Variants in CSMD1 observed in about 807,000 individuals in gnomAD.
CSMD1 encodes CUB and Sushi multiple domains 1, also known as CUB and sushi domain-containing protein 1.
In CSMD1, 213 loss-of-function variants were observed where a neutral mutation model predicts 417.5. That is an observed-to-expected ratio of 0.51 (90% CI 0.46 to 0.57). The LOEUF is 0.57. CSMD1 is among the 20% of genes least tolerant of loss of function. CSMD1 has a pLI of 0.00. For synonymous variants in CSMD1, 2,862 were observed against 1,736.8 expected (o/e 1.65, Z -16.11); for missense variants, 6,923 against 4,529.7 (o/e 1.53, Z -15.17).
intron 3 of CSMD1, among the ~76,000 whole-genome samples, chr8:4,252,622 T>C (rs1175428300): frequency 6.6e-6 from 1 of 152,192 alleles, no homozygotes; most frequent in Non-Finnish European, 1.5e-5. Flanking sequence ...AGAACCCAAA[T>C]ATAGTCTCCA....
intron 12 of CSMD1, among the ~76,000 whole-genome samples, chr8:3,460,902 T>A (rs117478722): frequency 1.3e-5 from 2 of 152,150 alleles, no homozygotes; most frequent in South Asian, 4.1e-4. Context: ...AAGGCAGACA[T>A]GACCACTTGT....
Position 4,446,292 on chromosome 8 carries a change from A to C in CSMD1, c.303-26227T>G, listed in dbSNP as rs186196056. Among the ~76,000 whole-genome samples, 21 of 152,324 alleles carry C rather than the reference A, an allele frequency of 1.4e-4. No individual in the cohort carries two copies. In the East Asian group the frequency reaches 2.9e-3, roughly 21 times the overall value. On this transcript the variant is annotated intron_variant, in intron 2 of 69. Coordinates refer to ENST00000635120, the MANE Select transcript of CSMD1 (RefSeq NM_033225.6). ...GCTGGGAGTGGTGGCTCATGCCCGT[A>C]ATCCTGCTTCTTTGGGAGCCCAGCA...
intron 5 of CSMD1, among the ~76,000 whole-genome samples, chr8:3,818,194 G>A (rs925627528): frequency 1.3e-5 from 2 of 152,018 alleles, no homozygotes; most frequent in Non-Finnish European, 2.9e-5. Context: ...ACTCCCCACA[G>A]CTGCTCCTCC....
intron 7 of CSMD1, among the ~76,000 whole-genome samples, chr8:3,638,083 G>A (rs1244767975): frequency 6.6e-6 from 1 of 152,054 alleles, no homozygotes. Flanking sequence ...ACCACACACA[G>A]CTATCAAATC....
At chr8:3,961,281 T>G (rs912327819) in intron 5 of CSMD1, among the ~76,000 whole-genome samples, 1 of 152,204 alleles carries the variant, frequency 6.6e-6, no homozygotes, top group African/African-American at 2.4e-5. Flanking sequence ...AAAAGTTATA[T>G]AAGCATAAAA....
intron 5 of CSMD1, among the ~76,000 whole-genome samples, chr8:3,900,994 G>T (rs777162852): frequency 4.9e-4 from 75 of 152,144 alleles, no homozygotes; most frequent in Middle Eastern, 3.2e-3. Context: ...TTTCATTATT[G>T]CTAGCTGTCA....
At chr8:4,293,671 A>G (rs1797503602) in intron 3 of CSMD1, among the ~76,000 whole-genome samples, 2 of 152,202 alleles carry the variant, frequency 1.3e-5, no homozygotes, top group South Asian at 2.1e-4. Flanking sequence ...CCAATAAATA[A>G]TAACAATCAT....
chr8:4,227,431 G>A (rs548366181), intron 3 of CSMD1, among the ~76,000 whole-genome samples: 1 of 152,060 alleles, frequency 6.6e-6, no homozygotes, highest in Non-Finnish European at 1.5e-5. Context: ...GAACCCTATG[G>A]TCAAAGCCTA....
intron 3 of CSMD1, among the ~76,000 whole-genome samples, chr8:4,058,261 G>A (rs1244681575): frequency 1.3e-5 from 2 of 152,042 alleles, no homozygotes; most frequent in East Asian, 3.9e-4. Context: ...TCCCTTGTAA[G>A]TTGGATTCCT....
At chr8:3,159,816 C>A (rs1344993162) in intron 38 of CSMD1, among the ~76,000 whole-genome samples, 1 of 152,150 alleles carries the variant, frequency 6.6e-6, no homozygotes, top group Non-Finnish European at 1.5e-5. Context: ...TTCAATAATC[C>A]ATTATAAGAA....
At chr8:3,355,622 T>C (rs567468999) in intron 21 of CSMD1, among the ~76,000 whole-genome samples, 1 of 152,132 alleles carries the variant, frequency 6.6e-6, no homozygotes, top group South Asian at 2.1e-4. Flanking sequence ...TACAGCACTG[T>C]ATGTGATGAT....
chr8:3,038,190 G>A (rs1373426640), intron 50 of CSMD1, among the ~76,000 whole-genome samples: 18 of 152,174 alleles, frequency 1.2e-4, no homozygotes, highest in Admixed American at 1.0e-3. Flanking sequence ...TGATCTCAGC[G>A]AGACAAGACC....
chr8:3,789,020 A>T (rs944250906), intron 5 of CSMD1, among the ~76,000 whole-genome samples: 1 of 152,222 alleles, frequency 6.6e-6, no homozygotes, highest in African/African-American at 2.4e-5. Context: ...TTCCCAAATT[A>T]GGAGGATGCT....
intron 5 of CSMD1, among the ~76,000 whole-genome samples, chr8:3,769,950 G>A (rs1039002295): frequency 4.6e-5 from 7 of 152,184 alleles, no homozygotes; most frequent in South Asian, 2.1e-4. Flanking sequence ...TAGGCTTTGG[G>A]AAGAAGCCTT....
intron 1 of CSMD1, among the ~76,000 whole-genome samples, chr8:4,640,401 A>T (rs1803118288): frequency 6.6e-6 from 1 of 152,214 alleles, no homozygotes; most frequent in African/African-American, 2.4e-5. Context: ...ACCGTGATTA[A>T]AGCAGTGTTT....
intron 1 of CSMD1, among the ~76,000 whole-genome samples, chr8:4,762,747 G>T (rs1248274035): frequency 6.6e-6 from 1 of 152,058 alleles, no homozygotes; most frequent in Non-Finnish European, 1.5e-5. Flanking sequence ...TCAATTCAGT[G>T]CTCCTGCAGC....
chr8:2,985,464 C>CTG lies in CSMD1; in HGVS notation c.8378-6666_8378-6665dup, dbSNP rs765225082. Among the ~76,000 whole-genome samples, 929 of 150,302 alleles carry CTG rather than the reference C, an allele frequency of 6.2e-3. 14 individuals are homozygous for CTG. Among genetic ancestry groups the CTG allele is most frequent in the Non-Finnish European group, 0.011 (714 of 67,014 alleles). ...CTGTTTCACCACGTGAGGGAGGAGACTGGTGTGATACTGCTACACTGTTTC... is the reference window on the plus strand; with the variant it reads ...CTGTTTCACCACGTGAGGGAGGAGACTGTGGTGTGATACTGCTACACTGTTTC... On this transcript the variant is annotated intron_variant, in intron 54 of 69. Transcript: ENST00000635120.
chr8:3,526,789 G>A (rs1422572637), intron 10 of CSMD1, among the ~76,000 whole-genome samples: 4 of 152,144 alleles, frequency 2.6e-5, no homozygotes, highest in Admixed American at 2.6e-4. Context: ...CCTAGTATTT[G>A]CAGCAGACGA....
intron 3 of CSMD1, among the ~76,000 whole-genome samples, chr8:4,093,664 G>A (rs137916098): frequency 2.6e-5 from 4 of 152,176 alleles, no homozygotes; most frequent in Admixed American, 1.3e-4. Flanking sequence ...ATTTTAAAAA[G>A]GAAAGCAACA....
Sources: gnomAD v4.1 joint callset for allele counts (sites outside exome capture counted in the v4.1 genomes callset) on GRCh38, gnomAD v4.1.1 for gene constraint, MANE v1.5 for transcripts, NCBI Gene and HGNC (gene_info 2026-07-23, HGNC 2026-07-21) for gene names.